SEPTIN9: variants seen among roughly 807,000 people sequenced by gnomAD.
The protein encoded by SEPTIN9 is septin-9.
Under a neutral mutation model 56.6 loss-of-function variants are expected in SEPTIN9, and 13 were observed. The observed-to-expected ratio is 0.23, with a 90% confidence interval of 0.15 to 0.37. The LOEUF (loss-of-function observed/expected upper bound fraction) is 0.37. Ranked by LOEUF, SEPTIN9 falls within the 10% of genes least tolerant of loss-of-function variation. The pLI is 1.00. For missense variants in SEPTIN9, 650 were observed against 823.1 expected (o/e 0.79, Z 2.57); for synonymous variants, 332 against 334.1 (o/e 0.99, Z 0.07).
At chr17:77,302,225 G>C (rs1287786043) in intron 1 of SEPTIN9, among the ~76,000 whole-genome samples, 1 of 151,498 alleles carries the variant, frequency 6.6e-6, no homozygotes, top group East Asian at 1.9e-4. Context: ...CCCAGCGTGA[G>C]GCCAAGGCAG....
chr17:77,389,927 G>A lies in SEPTIN9; in HGVS notation c.77-12132G>A, dbSNP rs1217858844. 6.6e-6 allele frequency among the ~76,000 whole-genome samples: 1 copy of A among 152,140 alleles called. No individual in the cohort carries two copies. The highest frequency in any genetic ancestry group is 1.5e-5 in the Non-Finnish European group (1 of 68,012). ...TGCTCCCATTCCCATAGCTGATTTAGTAAAGAAAAGAGGAAGTCCAGCAAC... is the reference window on the plus strand; with the variant it reads ...TGCTCCCATTCCCATAGCTGATTTAATAAAGAAAAGAGGAAGTCCAGCAAC... On this transcript the variant is annotated intron_variant, in intron 2 of 11. Transcript: ENST00000427177. The surrounding 1 kb of genome is among the most constrained non-coding windows in gnomAD (Gnocchi z 4.3).
Position 77,435,540 on chromosome 17 carries a change from A to G in SEPTIN9, c.721+32837A>G, listed in dbSNP as rs2037305870. On this transcript the variant is annotated intron_variant, in intron 3 of 11. Transcript: ENST00000427177. This position sits in a 1 kb window ranked among gnomAD's most constrained non-coding sequence, Gnocchi z 4.5. ...GCCTGCCCTACACCTGATTGGCAGC[A>G]GAGTGGCCCCTCCTTGGTGTGGTCT... Among the ~76,000 whole-genome samples the G allele has an allele frequency of 1.3e-5, 2 of 152,226 alleles. No homozygotes were observed. Among genetic ancestry groups the G allele is most frequent in the African/African-American group, 4.8e-5 (2 of 41,456 alleles).
At position 77,487,391 on chromosome 17, in the gene SEPTIN9, A is replaced by T; in HGVS notation, c.914-33A>T. The T allele has an allele frequency of 6.3e-7, 1 of 1,575,440 alleles. No homozygotes were observed. Among genetic ancestry groups the T allele is most frequent in the South Asian group, 1.2e-5 (1 of 85,932 alleles). On this transcript the variant is annotated intron_variant, in intron 4 of 11. Transcript: ENST00000427177. The surrounding 1 kb of genome is among the most constrained non-coding windows in gnomAD (Gnocchi z 4.3). ...GCAGACCCTGCTGGTCTCTCCGGAG[A>T]GACCCCTGACCGGCCTCCCATCCTC...
At chr17:77,484,461 T>G (rs2143259433) in intron 4 of SEPTIN9, among the ~76,000 whole-genome samples, 1 of 142,630 alleles carries the variant, frequency 7.0e-6, no homozygotes, top group African/African-American at 2.7e-5. Context: ...GTGGTGGTGA[T>G]TGTGGTGGTG....
At chr17:77,304,882 G>A (rs2032200446) in intron 1 of SEPTIN9, among the ~76,000 whole-genome samples, 1 of 152,152 alleles carries the variant, frequency 6.6e-6, no homozygotes, top group Non-Finnish European at 1.5e-5. Flanking sequence ...CATGGCCATC[G>A]TGGAAGTGAG....
At chr17:77,380,422 AT>A (rs1444947317) in intron 2 of SEPTIN9, among the ~76,000 whole-genome samples, 1 of 151,640 alleles carries the variant, frequency 6.6e-6, no homozygotes, top group African/African-American at 2.4e-5. Flanking sequence ...AAATTTCTGA[AT>A]ATCCCCCTAC....
chr17:77,321,386 C>T (rs995619535), intron 2 of SEPTIN9, among the ~76,000 whole-genome samples: 2 of 151,770 alleles, frequency 1.3e-5, no homozygotes, highest in Non-Finnish European at 2.9e-5. Context: ...ACCACTGCTC[C>T]CAGGGCCACA....
intron 3 of SEPTIN9, among the ~76,000 whole-genome samples, chr17:77,432,091 A>T (rs920523140): frequency 3.9e-5 from 6 of 152,200 alleles, no homozygotes; most frequent in African/African-American, 1.2e-4. Context: ...TGCGTGTTTC[A>T]TGGGGCTGCC....
intron 4 of SEPTIN9, chr17:77,484,135 A>C (rs1598448767): frequency 6.6e-6 from 1 of 152,456 alleles, no homozygotes; most frequent in Admixed American, 6.5e-5. Context: ...AGGGTCCCCA[A>C]CAGGTTGTGG....
At chr17:77,481,154 G>T (rs572419072) in intron 3 of SEPTIN9, among the ~76,000 whole-genome samples, 2 of 152,188 alleles carry the variant, frequency 1.3e-5, no homozygotes, top group African/African-American at 4.8e-5. Context: ...GGCGTCTTCC[G>T]GGCGTCCGCC....
At chr17:77,439,759 A>T (rs2037478181) in intron 3 of SEPTIN9, among the ~76,000 whole-genome samples, 1 of 152,124 alleles carries the variant, frequency 6.6e-6, no homozygotes, top group South Asian at 2.1e-4. Flanking sequence ...GGCATCCTGA[A>T]CGGCTTCCCT....
At chr17:77,417,068 C>G (rs1267154006) in intron 3 of SEPTIN9, among the ~76,000 whole-genome samples, 1 of 152,244 alleles carries the variant, frequency 6.6e-6, no homozygotes, top group Admixed American at 6.5e-5. Flanking sequence ...TTTGGCCCTA[C>G]CCCTCCTAAC....
chr17:77,356,144 A>G (rs7359498), intron 2 of SEPTIN9, among the ~76,000 whole-genome samples: 36,466 of 152,006 alleles, frequency 0.24, 4,794 homozygotes, highest in East Asian at 0.61. Context: ...ACAGAGACTC[A>G]GGGAAAGTCA....
rs931415077 is a variant in SEPTIN9 at position 77,498,979 on chromosome 17, C to T, written c.*321C>T. Reference sequence around the variant, plus strand: ...GAGCAGCTTCGGTGTGCAGATCATCCGTCTGTGTGGGGTTCTCAGTGCCGG... The same window carrying T: ...GAGCAGCTTCGGTGTGCAGATCATCTGTCTGTGTGGGGTTCTCAGTGCCGG... On this transcript the variant is annotated 3_prime_UTR_variant, in exon 12 of 12. Coordinates refer to ENST00000427177, the MANE Select transcript of SEPTIN9 (RefSeq NM_001113491.2). 65 of 545,764 alleles carry T rather than the reference C, an allele frequency of 1.2e-4. No homozygotes were observed. Among genetic ancestry groups the T allele is most frequent in the Non-Finnish European group, 2.0e-4 (56 of 283,326 alleles). 33.8% of individuals were successfully genotyped at this position (545,764 alleles called of 1,614,324 possible). A position where few individuals can be genotyped will look rare whatever the true frequency, so the allele number is the denominator to read the frequency against.
chr17:77,321,852 G>T (rs1375435149), intron 2 of SEPTIN9, among the ~76,000 whole-genome samples: 1 of 152,246 alleles, frequency 6.6e-6, no homozygotes, highest in Non-Finnish European at 1.5e-5. Context: ...TTTGAGCTCG[G>T]GGGCTCAGGC....
At chr17:77,283,176 T>A (rs529405769) in intron 1 of SEPTIN9, among the ~76,000 whole-genome samples, 5 of 149,530 alleles carry the variant, frequency 3.3e-5, no homozygotes, top group African/African-American at 1.3e-4. Flanking sequence ...TTTTTTTTTT[T>A]TTAAAAAAAA....
intron 1 of SEPTIN9, 51 bp downstream of exon 1, chr17:77,281,605 T>C: frequency 4.7e-6 from 7 of 1,503,460 alleles, no homozygotes; most frequent in South Asian, 1.2e-5. Context: ...GGACCAGCGC[T>C]GCTCACCTGA....
At chr17:77,460,260 T>C (rs1598409519) in intron 3 of SEPTIN9, among the ~76,000 whole-genome samples, 2 of 152,008 alleles carry the variant, frequency 1.3e-5, no homozygotes, top group African/African-American at 2.4e-5. Flanking sequence ...GACTCAGGGA[T>C]GGGAGGCTGG....
intron 2 of SEPTIN9, among the ~76,000 whole-genome samples, chr17:77,334,740 T>A (rs756536575): frequency 5.8e-4 from 88 of 152,194 alleles, no homozygotes; most frequent in Non-Finnish European, 1.2e-3. Flanking sequence ...TTTAATTTTT[T>A]AAATTTTTAC....
Sources: allele counts gnomAD v4.1 joint callset (sites outside exome capture counted in the v4.1 genomes callset), GRCh38; gene constraint gnomAD v4.1.1; non-coding constraint Gnocchi (gnomAD v3.1); transcripts MANE v1.5; gene names NCBI Gene and HGNC (gene_info 2026-07-23, HGNC 2026-07-21).